SDK1: variants seen among roughly 807,000 people sequenced by gnomAD.
SDK1 encodes protein sidekick-1.
A neutral mutation model predicts 245.5 loss-of-function variants in SDK1; 157 were observed. The observed-to-expected ratio is 0.64, with a 90% CI of 0.56 to 0.73. The LOEUF (loss-of-function observed/expected upper bound fraction) is 0.73. Among genes scored for constraint, SDK1 ranks in the 30% least tolerant of loss-of-function variants. The pLI is 0.00. For synonymous variants in SDK1, 1,647 were observed against 1,278.5 expected, an observed-to-expected ratio of 1.29 and a Z score of -6.15; for missense variants, 3,583 against 3,002.3, an observed-to-expected ratio of 1.19 and a Z score of -4.52.
intron 4 of SDK1, among the ~76,000 whole-genome samples, chr7:3,668,010 A>G (rs1783588947): frequency 6.6e-6 from 1 of 152,092 alleles, no homozygotes; most frequent in African/African-American, 2.4e-5. Context: ...TTTATAAGAA[A>G]CTTATAAGAA....
Position 4,120,367 on chromosome 7 carries a change from A to G in SDK1, c.3823+6093A>G, listed in dbSNP as rs575422314. Among the ~76,000 whole-genome samples, 4 of 148,950 alleles carry G rather than the reference A, an allele frequency of 2.7e-5. 1 individual carries two copies. In the South Asian group the frequency reaches 6.6e-4, roughly 25 times the overall value. On this transcript the variant is annotated intron_variant, in intron 25 of 44. Transcript: ENST00000404826. ...GCCAAAGAGAAAAATCTTAAAAACAATTGGAGTGAAAGGCAAATAATCACA... is the reference window on the plus strand; with the variant it reads ...GCCAAAGAGAAAAATCTTAAAAACAGTTGGAGTGAAAGGCAAATAATCACA...
chr7:3,659,391 C>T (rs549805427), intron 4 of SDK1, among the ~76,000 whole-genome samples: 2 of 152,156 alleles, frequency 1.3e-5, no homozygotes, highest in South Asian at 2.1e-4. Context: ...GAAAGAAAAC[C>T]CTGTCCACAG....
At chr7:4,201,876 G>C (rs960198396) in intron 35 of SDK1, among the ~76,000 whole-genome samples, 1 of 152,180 alleles carries the variant, frequency 6.6e-6, no homozygotes, top group Non-Finnish European at 1.5e-5. Flanking sequence ...CATGGCACAG[G>C]GTGGTTCTGG....
intron 38 of SDK1, among the ~76,000 whole-genome samples, chr7:4,219,888 A>T (rs1785043662): frequency 6.8e-6 from 1 of 147,908 alleles, no homozygotes; most frequent in African/African-American, 2.5e-5. Context: ...TGTCAGCCTC[A>T]GTTGTTTTCT....
At chr7:3,840,117 T>TA (rs1583465738) in intron 5 of SDK1, among the ~76,000 whole-genome samples, 1 of 152,272 alleles carries the variant, frequency 6.6e-6, no homozygotes, top group East Asian at 1.9e-4. Flanking sequence ...AATGTAAACT[T>TA]AAAATATGTG....
At chr7:3,869,513 A>G (rs7804583) in intron 5 of SDK1, among the ~76,000 whole-genome samples, 7,665 of 152,204 alleles carry the variant, frequency 0.05, 611 homozygotes, top group African/African-American at 0.17. Flanking sequence ...GGGAAGCAGG[A>G]TAGCTGGGCT....
At chr7:3,472,944 G>T (rs569366170) in intron 1 of SDK1, among the ~76,000 whole-genome samples, 1 of 152,110 alleles carries the variant, frequency 6.6e-6, no homozygotes, top group African/African-American at 2.4e-5. Context: ...AAAATGAAAG[G>T]CATTGCACAC....
chr7:4,249,490 T>C (rs1251221489), intron 44 of SDK1, among the ~76,000 whole-genome samples: 1 of 152,198 alleles, frequency 6.6e-6, no homozygotes, highest in Non-Finnish European at 1.5e-5. Flanking sequence ...TTCTGGAGGC[T>C]GATGAAAGGT....
chr7:3,667,198 C>A (rs1184385427), intron 4 of SDK1, among the ~76,000 whole-genome samples: 1 of 152,054 alleles, frequency 6.6e-6, no homozygotes, highest in Non-Finnish European at 1.5e-5. Context: ...AAATACATGT[C>A]CATGAAGTTT....
intron 1 of SDK1, among the ~76,000 whole-genome samples, chr7:3,546,100 C>T (rs1209596265): frequency 6.6e-6 from 1 of 152,180 alleles, no homozygotes; most frequent in East Asian, 1.9e-4. Context: ...CTTCAGAGTG[C>T]CTCAGGGTTG....
intron 5 of SDK1, among the ~76,000 whole-genome samples, chr7:3,833,088 A>C (rs1779948922): frequency 6.6e-6 from 1 of 152,116 alleles, no homozygotes; most frequent in Non-Finnish European, 1.5e-5. Context: ...GGAAGTGTGA[A>C]GGCTATAACG....
intron 1 of SDK1, among the ~76,000 whole-genome samples, chr7:3,417,672 T>G (rs1451415275): frequency 2.0e-5 from 3 of 152,200 alleles, no homozygotes; most frequent in South Asian, 4.1e-4. Context: ...TTTGTTGCCT[T>G]TCTAGATTTT....
chr7:4,234,260 G>A (rs533694643), intron 41 of SDK1, among the ~76,000 whole-genome samples: 2 of 152,306 alleles, frequency 1.3e-5, no homozygotes, highest in Non-Finnish European at 1.5e-5. Context: ...ATTTCTTCAC[G>A]TGCACACCTT....
chr7:3,989,972 G>C (rs2128140460), intron 14 of SDK1, among the ~76,000 whole-genome samples: 1 of 152,316 alleles, frequency 6.6e-6, no homozygotes, highest in East Asian at 1.9e-4. Context: ...TGTGCTGTCT[G>C]ACTCCAGAGC....
intron 28 of SDK1, among the ~76,000 whole-genome samples, chr7:4,139,253 G>T (rs370036132): frequency 6.6e-6 from 1 of 152,032 alleles, no homozygotes; most frequent in Non-Finnish European, 1.5e-5. Flanking sequence ...AGGTCTGTTC[G>T]TGGGGCACCC....
chr7:3,434,845 C>G (rs1033631838), intron 1 of SDK1, among the ~76,000 whole-genome samples: 23 of 152,138 alleles, frequency 1.5e-4, no homozygotes, highest in Non-Finnish European at 1.9e-4. Context: ...CCTGCCAAGA[C>G]TCCTCATTGA....
rs933804729 is a variant in SDK1, at chr7:3,782,576, C to G, written c.714-38874C>G. ...TCCGAGAGCAGCAAGAGATAAGAAACACTTCGTATACAAAGGAGTACCAAT... is the reference window on the plus strand; with the variant it reads ...TCCGAGAGCAGCAAGAGATAAGAAAGACTTCGTATACAAAGGAGTACCAAT... On this transcript the variant is annotated intron_variant, in intron 4 of 44. Transcript: ENST00000404826. Among the ~76,000 whole-genome samples the G allele has an allele frequency of 3.9e-5, 6 of 152,220 alleles. No homozygotes were observed. The South Asian group carries it at 1.2e-3, about 32-fold the overall frequency.
intron 19 of SDK1, among the ~76,000 whole-genome samples, chr7:4,063,152 G>A (rs1779643541): frequency 6.6e-6 from 1 of 152,178 alleles, no homozygotes; most frequent in Non-Finnish European, 1.5e-5. Context: ...TGGAAAAGAG[G>A]AAGTCAGATT....
At chr7:4,225,679 C>T (rs1785396255) in intron 40 of SDK1, among the ~76,000 whole-genome samples, 1 of 152,100 alleles carries the variant, frequency 6.6e-6, no homozygotes, top group Non-Finnish European at 1.5e-5. Context: ...GCGAGGGCTT[C>T]ACACTGGGCC....
Sources: gnomAD v4.1 joint callset for allele counts (sites outside exome capture counted in the v4.1 genomes callset) on GRCh38, gnomAD v4.1.1 for gene constraint, MANE v1.5 for transcripts, NCBI Gene and HGNC (gene_info 2026-07-23, HGNC 2026-07-21) for gene names.